Variants in MYBL1 observed in about 807,000 individuals in gnomAD.
MYBL1 encodes the protein myb-related protein A.
A neutral mutation model predicts 96.3 loss-of-function variants in MYBL1; 17 were observed. That is an observed-to-expected ratio of 0.18 (90% CI 0.12 to 0.26). The LOEUF is 0.26. Among genes scored for constraint, MYBL1 ranks in the 10% least tolerant of loss-of-function variants. The pLI is 1.00. For synonymous variants in MYBL1, 282 were observed against 292.7 expected (o/e 0.96, Z 0.37); for missense variants, 701 against 882.9 (o/e 0.79, Z 2.61).
At chr8:66,580,449 C>A in intron 8 of MYBL1, 83 bp from the exon 9 acceptor site, 1 of 899,140 alleles carries the variant, frequency 1.1e-6, no homozygotes, top group Non-Finnish European at 1.7e-6. Flanking sequence ...TTCAATTAGG[C>A]TAAAAACATA....
At chr8:66,596,172 C>T (rs1324057388) in intron 5 of MYBL1, among the ~76,000 whole-genome samples, 1 of 152,014 alleles carries the variant, frequency 6.6e-6, no homozygotes, top group Non-Finnish European at 1.5e-5. Context: ...AACAAACCAG[C>T]TATACGAGAA....
chr8:66,564,928 TAAAC>T, intron 15 of MYBL1, 103 bp from the exon 16 acceptor site: 2 of 656,588 alleles, frequency 3.0e-6, no homozygotes, highest in Non-Finnish European at 4.5e-6. Context: ...AGATATTTTA[TAAAC>T]AATAATTATA....
At chr8:66,586,265 C>T (rs1277243645) in intron 8 of MYBL1, among the ~76,000 whole-genome samples, 4 of 151,770 alleles carry the variant, frequency 2.6e-5, no homozygotes, top group African/African-American at 4.8e-5. Flanking sequence ...AGGCTGGTCT[C>T]GAACTCATGA....
chr8:66,599,599 G>A (rs922598742), intron 3 of MYBL1, among the ~76,000 whole-genome samples: 1 of 152,114 alleles, frequency 6.6e-6, no homozygotes, highest in Non-Finnish European at 1.5e-5. Flanking sequence ...TCTGGAGTTC[G>A]AGACCAGCCT....
chr8:66,592,347 G>A, intron 8 of MYBL1, 93 bp downstream of exon 8: 1 of 790,392 alleles, frequency 1.3e-6, no homozygotes. Context: ...ATTAAAATCT[G>A]CAGTCATACT....
intron 9 of MYBL1, among the ~76,000 whole-genome samples, chr8:66,579,090 G>A (rs1355570441): frequency 6.6e-6 from 1 of 151,946 alleles, no homozygotes; most frequent in African/African-American, 2.4e-5. Flanking sequence ...TGGGATGGGG[G>A]GAGTGGGGAG....
chr8:66,582,982 G>A (rs1009842809), intron 8 of MYBL1, among the ~76,000 whole-genome samples: 1 of 152,022 alleles, frequency 6.6e-6, no homozygotes, highest in Non-Finnish European at 1.5e-5. Flanking sequence ...GCTTTAAATT[G>A]CACATTTATA....
chr8:66,576,730 T>C (rs1160252146), intron 9 of MYBL1, among the ~76,000 whole-genome samples: 1 of 152,240 alleles, frequency 6.6e-6, no homozygotes, highest in Non-Finnish European at 1.5e-5. Context: ...TTCTGCATAA[T>C]CATTTGGTAA....
intron 6 of MYBL1, 65 bp downstream of exon 6, chr8:66,595,518 A>G: frequency 9.4e-7 from 1 of 1,063,486 alleles, no homozygotes. Context: ...TTAAGAAACC[A>G]AACATCTTCC....
intron 1 of MYBL1, among the ~76,000 whole-genome samples, chr8:66,604,861 C>T (rs1478085772): frequency 2.6e-5 from 4 of 152,078 alleles, no homozygotes; most frequent in Non-Finnish European, 5.9e-5. Flanking sequence ...GAGCTATTTA[C>T]TATGGAAAAT....
At chr8:66,584,138 T>C (rs1402208382) in intron 8 of MYBL1, among the ~76,000 whole-genome samples, 2 of 152,118 alleles carry the variant, frequency 1.3e-5, no homozygotes, top group African/African-American at 4.8e-5. Context: ...AGAATAAAGA[T>C]TATCTCAATA....
At chr8:66,571,139 T>A (rs1274891796) in intron 12 of MYBL1, among the ~76,000 whole-genome samples, 1 of 152,198 alleles carries the variant, frequency 6.6e-6, no homozygotes, top group African/African-American at 2.4e-5. Flanking sequence ...ACCAATATTT[T>A]AAAAATCGTA....
intron 9 of MYBL1, among the ~76,000 whole-genome samples, chr8:66,579,126 T>C (rs1006234075): frequency 3.3e-5 from 5 of 151,976 alleles, no homozygotes; most frequent in Non-Finnish European, 7.4e-5. Flanking sequence ...ATATACCTAA[T>C]GCTAAATGAC....
chr8:66,600,758 T>C (rs1810035930), intron 3 of MYBL1, among the ~76,000 whole-genome samples: 1 of 152,210 alleles, frequency 6.6e-6, no homozygotes. Flanking sequence ...TTGAAAGTCA[T>C]ATGACAATAT....
chr8:66,602,761 T>TTTC (rs1207532118), intron 1 of MYBL1, among the ~76,000 whole-genome samples: 4 of 104,376 alleles, frequency 3.8e-5, no homozygotes, highest in African/African-American at 1.6e-4. Flanking sequence ...TTTTTTTTTT[T>TTTC]CTGAGACGGA....
chr8:66,590,718 A>C (rs1809605526), intron 8 of MYBL1, among the ~76,000 whole-genome samples: 1 of 152,084 alleles, frequency 6.6e-6, no homozygotes, highest in Admixed American at 6.6e-5. Context: ...AAAAATAATA[A>C]GGCTCAAGGC....
intron 9 of MYBL1, 91 bp from the exon 10 acceptor site, chr8:66,576,466 T>A: frequency 7.2e-7 from 1 of 1,386,554 alleles, no homozygotes; most frequent in Non-Finnish European, 9.7e-7. Flanking sequence ...CAGAGTTAAT[T>A]AACAACTCAT....
intron 1 of MYBL1, chr8:66,612,582 A>G: frequency 2.5e-6 from 1 of 407,360 alleles, no homozygotes; most frequent in Non-Finnish European, 4.3e-6. Flanking sequence ...TTACGGGGAG[A>G]GTCACCGAGA....
intron 1 of MYBL1, 125 bp downstream of exon 1, chr8:66,612,694 A>C: frequency 7.8e-5 from 88 of 1,121,302 alleles, no homozygotes; most frequent in Non-Finnish European, 9.9e-5. Flanking sequence ...GGCCGCGGGG[A>C]CGCGGGAAGA....
Sources: allele counts gnomAD v4.1 joint callset (sites outside exome capture counted in the v4.1 genomes callset), GRCh38; gene constraint gnomAD v4.1.1; transcripts MANE v1.5; gene names NCBI Gene and HGNC (gene_info 2026-07-23, HGNC 2026-07-21).